The following DNAAF6 variants were observed in gnomAD, a reference collection of about 807,000 sequenced individuals.
DNAAF6 encodes the protein dynein axonemal assembly factor 6.
A neutral mutation model predicts 13.7 loss-of-function variants in DNAAF6; 3 were observed. The ratio of observed to expected loss-of-function variants is 0.22; its 90% confidence interval spans 0.10 to 0.56. The LOEUF is 0.56. Ranked by LOEUF, DNAAF6 falls within the 20% of genes least tolerant of loss-of-function variation. The pLI is 0.92. For synonymous variants in DNAAF6, 54 were observed against 49.2 expected (o/e 1.10, Z -0.41); for missense variants, 130 against 151.0 (o/e 0.86, Z 0.73).
At chrX:107,240,170 G>A (rs1195370370) in intron 6 of DNAAF6, among the ~76,000 whole-genome samples, 1 of 111,595 alleles carries the variant, frequency 9.0e-6, no homozygotes, top group Non-Finnish European at 1.9e-5. Context: ...TTTATAACAT[G>A]AGATGTTTGT....
At chrX:107,242,353 A>T (rs764590877) in intron 6 of DNAAF6, among the ~76,000 whole-genome samples, 12 of 112,419 alleles carry the variant, frequency 1.1e-4, no homozygotes, top group Non-Finnish European at 1.9e-5. Context: ...TAAAAATACC[A>T]TATTCCTTTA....
chrX:107,216,521 T>G (rs1927988807), intron 2 of DNAAF6, 150 bp from the exon 3 acceptor site: 9 of 387,376 alleles, frequency 2.3e-5, no homozygotes, highest in Non-Finnish European at 4.0e-5. Context: ...ACTTGACATC[T>G]GTCTTTCTGT....
At chrX:107,236,778 A>C (rs1928524063) in intron 5 of DNAAF6, among the ~76,000 whole-genome samples, 1 of 112,156 alleles carries the variant, frequency 8.9e-6, no homozygotes. Flanking sequence ...GAAAATTCTA[A>C]ACATTTCAGA....
At chrX:107,242,014 A>T (rs1885643) in intron 6 of DNAAF6, among the ~76,000 whole-genome samples, 34,486 of 111,449 alleles carry the variant, frequency 0.31, 5,101 homozygotes, top group African/African-American at 0.56. Context: ...CAACCTATAT[A>T]GTAAACAGAT....
chrX:107,236,405 A>G (rs1055905052), intron 5 of DNAAF6, among the ~76,000 whole-genome samples: 2 of 112,056 alleles, frequency 1.8e-5, no homozygotes, highest in Non-Finnish European at 3.8e-5. Flanking sequence ...GCAATCAGTT[A>G]GAGGTCAATT....
At chrX:107,223,371 C>T (rs746481027) in intron 5 of DNAAF6, among the ~76,000 whole-genome samples, 1 of 111,819 alleles carries the variant, frequency 8.9e-6, no homozygotes, top group Non-Finnish European at 1.9e-5. Context: ...TGTTACTTTG[C>T]TTTCTTATCT....
rs566504644 is a variant in DNAAF6, at chrX:107,217,955, A to C, written c.227-909A>C. Among the ~76,000 whole-genome samples, 8 of 112,657 alleles carry C rather than the reference A, an allele frequency of 7.1e-5. No homozygotes were observed. In the South Asian group the frequency reaches 2.2e-3, roughly 31 times the overall value. On this transcript the variant is annotated intron_variant, in intron 3 of 6. Transcript: ENST00000372453. Reference sequence around the variant, plus strand: ...ATAATGTAGGTCTAATAATCTTTAAATTCTGAAGGCAATGATTCATATGTA... The same window carrying C: ...ATAATGTAGGTCTAATAATCTTTAACTTCTGAAGGCAATGATTCATATGTA...
intron 1 of DNAAF6, among the ~76,000 whole-genome samples, chrX:107,211,784 T>G (rs957255204): frequency 6.3e-5 from 7 of 111,834 alleles, no homozygotes; most frequent in African/African-American, 2.3e-4. Context: ...ACATGATATC[T>G]AAATATATCT....
intron 1 of DNAAF6, 83 bp from the exon 2 acceptor site, chrX:107,212,790 G>T: frequency 9.9e-7 from 1 of 1,006,278 alleles, no homozygotes; most frequent in East Asian, 3.6e-5. Context: ...AGGGAAAGAA[G>T]GGAGATATGA....
intron 4 of DNAAF6, among the ~76,000 whole-genome samples, chrX:107,220,985 T>A (rs1393988288): frequency 9.3e-6 from 1 of 106,977 alleles, no homozygotes; most frequent in Non-Finnish European, 1.9e-5. Flanking sequence ...TTCTTCCTTT[T>A]TTCTGAGACA....
intron 5 of DNAAF6, among the ~76,000 whole-genome samples, chrX:107,232,016 C>T (rs758302949): frequency 9.0e-6 from 1 of 110,893 alleles, no homozygotes; most frequent in South Asian, 3.9e-4. Context: ...TGCCACCACA[C>T]CTGGCTAATT....
intron 5 of DNAAF6, among the ~76,000 whole-genome samples, chrX:107,234,740 A>G (rs780192136): frequency 8.9e-6 from 1 of 112,040 alleles, no homozygotes; most frequent in East Asian, 2.8e-4. Context: ...CAAGTTACAT[A>G]TATTTTTTAC....
chrX:107,224,643 TG>T (rs1392571056), intron 5 of DNAAF6, among the ~76,000 whole-genome samples: 2 of 110,242 alleles, frequency 1.8e-5, no homozygotes, highest in African/African-American at 6.6e-5. Flanking sequence ...GTTGGAAATG[TG>T]GGGATGGTTA....
intron 1 of DNAAF6, among the ~76,000 whole-genome samples, chrX:107,210,488 G>T (rs1359398269): frequency 9.1e-6 from 1 of 110,225 alleles, no homozygotes; most frequent in Admixed American, 9.7e-5. Context: ...GCCCGATCTG[G>T]GCTCACTGCA....
Position 107,212,950 on chromosome X carries a change from T to C in DNAAF6, c.75T>C (p.Ser25=), listed in dbSNP as rs768169418. 8.3e-7 allele frequency: 1 copy of C among 1,206,917 alleles called. No homozygotes were observed. The highest frequency in any genetic ancestry group is 2.2e-5 in the Admixed American group (1 of 45,423). Residue 25 remains serine, a synonymous_variant, in exon 2 of 7, where the codon AGT becomes AGC. Transcript: ENST00000372453. ...NMESQNVDFE[S]VSSVTALEAL... The stretch of plus-strand genomic sequence containing the variant: ...AATCTCAAAATGTAGACTTTGAGAG[T>C]GTTTCTTCAGTTACAGCTCTGGAAG...
At chrX:107,221,449 G>A (rs1928138931) in intron 4 of DNAAF6, among the ~76,000 whole-genome samples, 1 of 110,641 alleles carries the variant, frequency 9.0e-6, no homozygotes, top group Non-Finnish European at 1.9e-5. Context: ...GCCCAGGCTG[G>A]TCTCAAACTC....
chrX:107,231,445 G>A (rs745905512), intron 5 of DNAAF6, among the ~76,000 whole-genome samples: 3 of 112,050 alleles, frequency 2.7e-5, no homozygotes, highest in South Asian at 3.7e-4. Context: ...TTTGGGGTAT[G>A]TGTTAAGGAT....
Position 107,244,195 on chromosome X carries a change from T to A in DNAAF6, c.*897T>A, listed in dbSNP as rs1367369827. The A allele has an allele frequency of 1.8e-5, 2 of 112,354 alleles. No homozygotes were observed. Among genetic ancestry groups the A allele is most frequent in the African/African-American group, 3.2e-5 (1 of 30,901 alleles). The allele number at this position is 112,354 out of a possible 1,213,427, so 9.3% of individuals were successfully genotyped here. ...TTTTGGGTACTGTATTTATATGTAG[T>A]CAATTGAAATCCTTGACTTTAAAAT... On this transcript the variant is annotated 3_prime_UTR_variant, in exon 7 of 7. Transcript: ENST00000372453.
intron 5 of DNAAF6, among the ~76,000 whole-genome samples, chrX:107,238,624 A>G (rs1272436904): frequency 1.8e-5 from 2 of 111,966 alleles, no homozygotes; most frequent in Non-Finnish European, 3.8e-5. Context: ...ATGTACCTTC[A>G]GAAAATGAAG....
Sources: gnomAD v4.1 joint callset for allele counts (sites outside exome capture counted in the v4.1 genomes callset) on GRCh38, gnomAD v4.1.1 for gene constraint, MANE v1.5 for transcripts, NCBI Gene and HGNC (gene_info 2026-07-23, HGNC 2026-07-21) for gene names.